The following REDIC1 variants were observed in gnomAD, a reference collection of about 807,000 sequenced individuals.
The protein encoded by REDIC1 is HEI10 Interacting Protein 1.
the REDIC1 span, among the ~76,000 whole-genome samples, chr12:39,653,561 C>T: frequency 7.5e-5 from 6 of 80,060 alleles, no homozygotes; most frequent in South Asian, 4.0e-4. Flanking sequence ...CTTCTTCTTT[C>T]TTCTTCTTCT....
chr12:39,714,191 G>GTA, the REDIC1 span, among the ~76,000 whole-genome samples: 1 of 12,390 alleles, frequency 8.1e-5, no homozygotes, highest in African/African-American at 1.6e-4. Flanking sequence ...ATGCATATAT[G>GTA]TATATATGTA....
chr12:39,681,149 G>A, the REDIC1 span, among the ~76,000 whole-genome samples: 1 of 152,152 alleles, frequency 6.6e-6, no homozygotes, highest in Non-Finnish European at 1.5e-5. Context: ...GCACACACCT[G>A]TAATCCCAGC....
chr12:39,720,965 C>T, the REDIC1 span: 2 of 1,613,664 alleles, frequency 1.2e-6, no homozygotes, highest in Non-Finnish European at 1.7e-6. Context: ...TACCAGTTCT[C>T]AGTGAAAAAT....
At chr12:39,836,132 A>G in the REDIC1 span, among the ~76,000 whole-genome samples, 1 of 152,132 alleles carries the variant, frequency 6.6e-6, no homozygotes, top group Non-Finnish European at 1.5e-5. Flanking sequence ...GTAAAAGGAC[A>G]TTACAATATT....
chr12:39,626,387 T>C, the REDIC1 span: 2 of 1,613,906 alleles, frequency 1.2e-6, no homozygotes, highest in Non-Finnish European at 1.7e-6. Flanking sequence ...AGTTTGAGGC[T>C]GGGACATTCA....
the REDIC1 span, among the ~76,000 whole-genome samples, chr12:39,896,528 A>G: frequency 1.4e-5 from 2 of 145,174 alleles, no homozygotes; most frequent in Non-Finnish European, 3.0e-5. Context: ...ATACATGTAT[A>G]CATGTATGTA....
chr12:39,652,342 T>A, the REDIC1 span, among the ~76,000 whole-genome samples: 1 of 152,172 alleles, frequency 6.6e-6, no homozygotes, highest in Non-Finnish European at 1.5e-5. Flanking sequence ...TTTGTATCAT[T>A]TTATATTCCC....
the REDIC1 span, among the ~76,000 whole-genome samples, chr12:39,901,967 A>C: frequency 6.6e-6 from 1 of 152,140 alleles, no homozygotes; most frequent in African/African-American, 2.4e-5. Context: ...GATAGACTGG[A>C]TTAAGAAAAT....
chr12:39,781,501 G>T, the REDIC1 span, among the ~76,000 whole-genome samples: 1 of 152,272 alleles, frequency 6.6e-6, no homozygotes, highest in South Asian at 2.1e-4. Flanking sequence ...ATACATATTT[G>T]TTTAATGAAG....
the REDIC1 span, among the ~76,000 whole-genome samples, chr12:39,804,282 A>G: frequency 0.6 from 91,935 of 151,986 alleles, 29,275 homozygotes; most frequent in Non-Finnish European, 0.7. Flanking sequence ...GTAGTTATCA[A>G]GGATAAATGT....
chr12:39,721,269 C>A, the REDIC1 span: 1 of 1,582,902 alleles, frequency 6.3e-7, no homozygotes, highest in South Asian at 1.1e-5. Context: ...AAATCTCTAC[C>A]TAGGATGTAG....
chr12:39,675,453 A>T, the REDIC1 span, among the ~76,000 whole-genome samples: 1 of 152,222 alleles, frequency 6.6e-6, no homozygotes, highest in East Asian at 1.9e-4. Context: ...CCCTTCTACT[A>T]CCACAGGTGG....
At chr12:39,904,330 C>T in the REDIC1 span, among the ~76,000 whole-genome samples, 1 of 152,092 alleles carries the variant, frequency 6.6e-6, no homozygotes, top group South Asian at 2.1e-4. Flanking sequence ...GTAGTTTAGA[C>T]ACAGTGAACC....
the REDIC1 span, among the ~76,000 whole-genome samples, chr12:39,631,529 A>C: frequency 6.6e-6 from 1 of 152,184 alleles, no homozygotes; most frequent in Non-Finnish European, 1.5e-5. Context: ...AAATTTAGAT[A>C]AATATTTAAA....
At chr12:39,822,996 A>G in the REDIC1 span, among the ~76,000 whole-genome samples, 4 of 152,190 alleles carry the variant, frequency 2.6e-5, no homozygotes, top group Admixed American at 1.3e-4. Flanking sequence ...CGAGTCTGCA[A>G]TATAGTCACT....
At chr12:39,864,653 C>G in the REDIC1 span, 1 of 1,427,778 alleles carries the variant, frequency 7.0e-7, no homozygotes, top group African/African-American at 1.4e-5. Flanking sequence ...TTACATAAGC[C>G]TGGATGCCCA....
At chr12:39,675,730 G>T in the REDIC1 span, among the ~76,000 whole-genome samples, 1 of 152,208 alleles carries the variant, frequency 6.6e-6, no homozygotes, top group African/African-American at 2.4e-5. Flanking sequence ...CATTGGAGCA[G>T]GTGCTGGTAT....
chr12:39,696,717 A>G, the REDIC1 span, among the ~76,000 whole-genome samples: 1 of 152,098 alleles, frequency 6.6e-6, no homozygotes, highest in African/African-American at 2.4e-5. Context: ...GACAAATTTA[A>G]CAAAGAGATT....
At chr12:39,828,299 G>A in the REDIC1 span, among the ~76,000 whole-genome samples, 1 of 151,880 alleles carries the variant, frequency 6.6e-6, no homozygotes, top group Non-Finnish European at 1.5e-5. Context: ...CTATTGTAAG[G>A]ATATGCTGTG....
Sources: allele counts gnomAD v4.1 joint callset (sites outside exome capture counted in the v4.1 genomes callset), GRCh38; gene constraint gnomAD v4.1.1; transcripts MANE v1.5; gene names NCBI Gene and HGNC (gene_info 2026-07-23, HGNC 2026-07-21).